C1GALT1: variants seen among roughly 807,000 people sequenced by gnomAD.
The protein encoded by C1GALT1 is glycoprotein-N-acetylgalactosamine 3-beta-galactosyltransferase 1.
C1GALT1 carries 11 observed loss-of-function variants against 31.0 expected under a neutral mutation model. The observed-to-expected ratio is 0.36, with a 90% CI of 0.22 to 0.59. C1GALT1 has a LOEUF of 0.59. Ranked by LOEUF, C1GALT1 falls within the 20% of genes least tolerant of loss-of-function variation. C1GALT1 has a pLI of 0.79. For synonymous variants in C1GALT1, 175 were observed against 143.6 expected (o/e 1.22, Z -1.56); for missense variants, 424 against 425.2 (o/e 1.00, Z 0.03).
intron 1 of C1GALT1, among the ~76,000 whole-genome samples, chr7:7,208,538 TA>T (rs1016699330): frequency 7.3e-4 from 110 of 150,466 alleles, no homozygotes; most frequent in African/African-American, 1.0e-3. Context: ...GTTTGGCTCC[TA>T]AAAAAAAAGG....
chr7:7,192,198 A>T (rs1274014565), intron 1 of C1GALT1, among the ~76,000 whole-genome samples: 1 of 149,020 alleles, frequency 6.7e-6, no homozygotes, highest in South Asian at 2.1e-4. Flanking sequence ...GGTTACATGG[A>T]TATGTTTTTT....
chr7:7,194,754 A>G (rs956597107), intron 1 of C1GALT1, among the ~76,000 whole-genome samples: 1 of 152,118 alleles, frequency 6.6e-6, no homozygotes, highest in African/African-American at 2.4e-5. Context: ...GATTGGTATC[A>G]GTTCTTCTTT....
At chr7:7,181,636 C>A (rs1383647691), upstream of C1GALT1, among the ~76,000 whole-genome samples, 2 of 152,082 alleles carry the variant, frequency 1.3e-5, no homozygotes, top group Non-Finnish European at 2.9e-5. Context: ...AAGTAACTTG[C>A]CAATAGGTGG....
chr7:7,223,805 G>A (rs947878436), intron 1 of C1GALT1, among the ~76,000 whole-genome samples: 7 of 150,836 alleles, frequency 4.6e-5, no homozygotes, highest in Admixed American at 6.6e-5. Context: ...GTACTATATT[G>A]AGTAAGAGTG....
At chr7:7,165,244 A>G (rs1046632397) in intron 2 of C1GALT1, among the ~76,000 whole-genome samples, 1 of 152,122 alleles carries the variant, frequency 6.6e-6, no homozygotes, top group African/African-American at 2.4e-5. Flanking sequence ...GAAGATGGTG[A>G]TCCTTGTGCA....
intron 1 of C1GALT1, among the ~76,000 whole-genome samples, chr7:7,215,644 A>G (rs1189635058): frequency 6.6e-6 from 1 of 152,158 alleles, no homozygotes; most frequent in Non-Finnish European, 1.5e-5. Context: ...CTCTCTTCCT[A>G]TTGGGAATAG....
intron 1 of C1GALT1, among the ~76,000 whole-genome samples, chr7:7,232,898 C>A (rs568787355): frequency 6.6e-6 from 1 of 152,286 alleles, no homozygotes; most frequent in Admixed American, 6.5e-5. Context: ...TTTAAAATTT[C>A]TCTTTCCTCA....
intron 1 of C1GALT1, among the ~76,000 whole-genome samples, chr7:7,202,263 C>T (rs1202482739): frequency 2.6e-5 from 4 of 152,176 alleles, no homozygotes; most frequent in African/African-American, 4.8e-5. Flanking sequence ...TTTCCTGGTA[C>T]GTTCCCGTGG....
At chr7:7,240,066 A>T (rs2128251936) in intron 3 of C1GALT1, among the ~76,000 whole-genome samples, 1 of 152,320 alleles carries the variant, frequency 6.6e-6, no homozygotes, top group East Asian at 1.9e-4. Context: ...AATACACTTC[A>T]TGCTACTACT....
In C1GALT1 at chr7:7,182,709, AGCG is replaced by A; in HGVS notation, c.-126_-124del. 1.3e-6 allele frequency: 1 copy of A among 743,506 alleles called. No individual in the cohort carries two copies. The highest frequency in any genetic ancestry group is 1.6e-6 in the Non-Finnish European group (1 of 608,936). The allele number at this position is 743,506 out of a possible 1,614,324, so 46.1% of individuals were successfully genotyped here. ...TGGGCGGCAGCGGGCGGCCTCGGCTAGCGGCCACGAGCCACTTCTGCGGCTGCC... is the reference window on the plus strand; with the variant it reads ...TGGGCGGCAGCGGGCGGCCTCGGCTAGCCACGAGCCACTTCTGCGGCTGCC... On this transcript the variant is annotated 5_prime_UTR_variant, in exon 1 of 4. Coordinates refer to ENST00000436587, the MANE Select transcript of C1GALT1 (RefSeq NM_020156.5).
chr7:7,219,202 G>T (rs981661143), intron 1 of C1GALT1, among the ~76,000 whole-genome samples: 1 of 152,166 alleles, frequency 6.6e-6, no homozygotes, highest in Non-Finnish European at 1.5e-5. Context: ...TAACATTACT[G>T]TTTTGAATAG....
At chr7:7,175,918 C>T (rs1042024377) in intron 2 of C1GALT1, among the ~76,000 whole-genome samples, 2 of 151,890 alleles carry the variant, frequency 1.3e-5, no homozygotes, top group African/African-American at 4.8e-5. Flanking sequence ...GATAAAAGGC[C>T]CTACCTTTAT....
chr7:7,234,172 A>C lies in C1GALT1; in HGVS notation c.-17-131A>C, dbSNP rs1287373720. 2.7e-5 allele frequency: 18 copies of C among 672,530 alleles called. No homozygotes were observed. In the Admixed American group the frequency reaches 2.9e-4, roughly 11 times the overall value. 41.7% of individuals were successfully genotyped at this position (672,530 alleles called of 1,614,324 possible). The stretch of plus-strand genomic sequence containing the variant: ...CTGTTTTAGCAGCAAATAGAGGGGT[A>C]AACTCATAGATAATAGCTAAATACT... On this transcript the variant is annotated intron_variant, in intron 1 of 3. Coordinates refer to ENST00000436587, the MANE Select transcript of C1GALT1 (RefSeq NM_020156.5).
intron 1 of C1GALT1, among the ~76,000 whole-genome samples, chr7:7,216,610 C>CTGT (rs1562580514): frequency 1.4e-5 from 2 of 144,708 alleles, no homozygotes; most frequent in East Asian, 4.7e-4. Flanking sequence ...AAAGCACTTA[C>CTGT]CCTTGAAAGA....
At chr7:7,198,025 G>T (rs567207872) in intron 1 of C1GALT1, among the ~76,000 whole-genome samples, 1 of 152,066 alleles carries the variant, frequency 6.6e-6, no homozygotes, top group Non-Finnish European at 1.5e-5. Flanking sequence ...AATACTCTTT[G>T]TTTCTTTCTC....
chr7:7,210,351 A>G (rs934802422), intron 1 of C1GALT1: 4 of 147,434 alleles, frequency 2.7e-5, no homozygotes, highest in Admixed American at 1.4e-4. Flanking sequence ...ATGGCTTTGT[A>G]TTATAGAAAT....
intron 1 of C1GALT1, among the ~76,000 whole-genome samples, chr7:7,232,165 A>G (rs191268614): frequency 7.2e-4 from 110 of 152,260 alleles, no homozygotes; most frequent in African/African-American, 2.6e-3. Flanking sequence ...TTTTGGCCCT[A>G]CTAATTCTCA....
intron 1 of C1GALT1, among the ~76,000 whole-genome samples, chr7:7,198,494 CT>C (rs1281328968): frequency 6.6e-6 from 1 of 151,910 alleles, no homozygotes; most frequent in African/African-American, 2.4e-5. Context: ...CTAAAATTCT[CT>C]TTTTTTTATT....
upstream of C1GALT1, among the ~76,000 whole-genome samples, chr7:7,177,549 G>A (rs1290643635): frequency 6.6e-6 from 1 of 151,864 alleles, no homozygotes; most frequent in Non-Finnish European, 1.5e-5. Flanking sequence ...AGAAAAAGGA[G>A]CCAGTGATAA....
Sources: allele counts gnomAD v4.1 joint callset (sites outside exome capture counted in the v4.1 genomes callset), GRCh38; gene constraint gnomAD v4.1.1; transcripts MANE v1.5; gene names NCBI Gene and HGNC (gene_info 2026-07-23, HGNC 2026-07-21).